The following SLC24A2 variants were observed in gnomAD, a reference collection of about 807,000 sequenced individuals.
The protein encoded by SLC24A2 is sodium/potassium/calcium exchanger 2.
Under a neutral mutation model 62.0 loss-of-function variants are expected in SLC24A2, and 36 were observed. The ratio of observed to expected loss-of-function variants is 0.58; its 90% CI spans 0.44 to 0.77. The LOEUF is 0.77. Ranked by LOEUF, SLC24A2 falls within the 30% of genes least tolerant of loss-of-function variation. The pLI, the probability that SLC24A2 is intolerant of heterozygous loss-of-function variation, is 0.00. For missense variants in SLC24A2, 846 were observed against 817.9 expected, an observed-to-expected ratio of 1.03 and a Z score of -0.42; for synonymous variants, 358 against 294.0, an observed-to-expected ratio of 1.22 and a Z score of -2.23.
At chr9:20,148,797 T>C in the SLC24A2 span, among the ~76,000 whole-genome samples, 1 of 152,084 alleles carries the variant, frequency 6.6e-6, no homozygotes, top group Non-Finnish European at 1.5e-5. Context: ...AGGAATATTT[T>C]GACAGTGGAT....
At chr9:19,817,083 G>A in the SLC24A2 span, among the ~76,000 whole-genome samples, 26 of 152,206 alleles carry the variant, frequency 1.7e-4, no homozygotes, top group African/African-American at 6.0e-4. Flanking sequence ...CACATCTGGT[G>A]TACAGAATTT....
At chr9:19,651,431 A>C (rs998002192) in intron 2 of SLC24A2, among the ~76,000 whole-genome samples, 5 of 152,234 alleles carry the variant, frequency 3.3e-5, no homozygotes, top group African/African-American at 1.2e-4. Context: ...ATTGAGACTC[A>C]GGCAGTCTAA....
the SLC24A2 span, among the ~76,000 whole-genome samples, chr9:19,946,617 A>G: frequency 2.6e-5 from 4 of 152,222 alleles, no homozygotes; most frequent in Non-Finnish European, 5.9e-5. Context: ...CTCCTGAGTT[A>G]ATGAGACAAC....
the SLC24A2 span, among the ~76,000 whole-genome samples, chr9:20,073,286 C>T: frequency 6.6e-6 from 1 of 152,106 alleles, no homozygotes; most frequent in Admixed American, 6.6e-5. Context: ...GGGAGAGGGT[C>T]TCTGGCTTCT....
At chr9:19,963,603 A>C in the SLC24A2 span, among the ~76,000 whole-genome samples, 1 of 152,382 alleles carries the variant, frequency 6.6e-6, no homozygotes, top group South Asian at 2.1e-4. Flanking sequence ...ATGCAGCCAA[A>C]AAACACATGA....
chr9:19,979,749 AT>A, the SLC24A2 span, among the ~76,000 whole-genome samples: 1 of 152,158 alleles, frequency 6.6e-6, no homozygotes, highest in African/African-American at 2.4e-5. Context: ...ATTGCCTGAA[AT>A]TCTTAAAATT....
chr9:19,911,150 G>A, the SLC24A2 span, among the ~76,000 whole-genome samples: 1 of 142,390 alleles, frequency 7.0e-6, no homozygotes, highest in African/African-American at 2.6e-5. Context: ...TCCCACCTAT[G>A]AGTGAGAACA....
At position 19,509,344 on chromosome 9, in the gene SLC24A2, T is replaced by A. The variant is rs1193254735; in HGVS notation, c.*6809A>T. The A allele has an allele frequency of 6.6e-6, 1 of 152,276 alleles. No individual in the cohort carries two copies. The highest frequency in any genetic ancestry group is 2.1e-4 in the South Asian group (1 of 4,816). The allele number at this position is 152,276 out of a possible 1,614,324, so 9.4% of individuals were successfully genotyped here. A position where few individuals can be genotyped will look rare whatever the true frequency, so the allele number is the denominator to read the frequency against. ...AAAGCACACATCTAAAATGTATAAGTAGATTAGGATTGCCTAGAACAATAA... is the reference window on the plus strand; with the variant it reads ...AAAGCACACATCTAAAATGTATAAGAAGATTAGGATTGCCTAGAACAATAA... On this transcript the variant is annotated 3_prime_UTR_variant, in exon 11 of 11. Transcript: ENST00000341998.
the SLC24A2 span, among the ~76,000 whole-genome samples, chr9:20,200,927 A>G: frequency 6.6e-6 from 1 of 152,218 alleles, no homozygotes; most frequent in Non-Finnish European, 1.5e-5. Flanking sequence ...TCTGTAGCTC[A>G]TTATATTTGA....
chr9:19,602,488 T>C (rs1836867996), intron 4 of SLC24A2, among the ~76,000 whole-genome samples: 1 of 152,238 alleles, frequency 6.6e-6, no homozygotes, highest in Admixed American at 6.5e-5. Flanking sequence ...ATGTCATTTA[T>C]ATTCTTTTGT....
the SLC24A2 span, among the ~76,000 whole-genome samples, chr9:19,905,101 A>G: frequency 1.3e-5 from 2 of 151,958 alleles, no homozygotes; most frequent in Non-Finnish European, 2.9e-5. Flanking sequence ...AAGTACCAGG[A>G]CTCTTGGGAC....
At chr9:19,703,208 T>G (rs1054120350) in intron 2 of SLC24A2, among the ~76,000 whole-genome samples, 1 of 152,216 alleles carries the variant, frequency 6.6e-6, no homozygotes, top group Non-Finnish European at 1.5e-5. Flanking sequence ...CATGATGGAT[T>G]AGAATCTTAG....
At chr9:19,969,999 T>A in the SLC24A2 span, among the ~76,000 whole-genome samples, 1 of 152,118 alleles carries the variant, frequency 6.6e-6, no homozygotes, top group African/African-American at 2.4e-5. Context: ...CTTTACATAT[T>A]TCTGTGGCCT....
At chr9:20,066,799 A>C in the SLC24A2 span, among the ~76,000 whole-genome samples, 1 of 152,214 alleles carries the variant, frequency 6.6e-6, no homozygotes, top group Non-Finnish European at 1.5e-5. Flanking sequence ...TGACTTAAGC[A>C]CTGTTTCTGA....
rs1396451682 is a variant in SLC24A2, at chr9:19,548,093, G to C, written c.1479+2044C>G. ...GAGTCCATACAAGGAGTCCTTTCTT[G>C]TTGTCTACTTGACAAGACATGGCTC... On this transcript the variant is annotated intron_variant, in intron 8 of 10. Coordinates refer to ENST00000341998, the MANE Select transcript of SLC24A2 (RefSeq NM_020344.4). Among the ~76,000 whole-genome samples the C allele has an allele frequency of 3.3e-5, 5 of 151,576 alleles. No individual in the cohort carries two copies. The South Asian group carries it at 8.3e-4, about 25-fold the overall frequency.
the SLC24A2 span, among the ~76,000 whole-genome samples, chr9:20,120,387 G>A: frequency 6.6e-6 from 1 of 152,116 alleles, no homozygotes; most frequent in African/African-American, 2.4e-5. Flanking sequence ...GAAAAAGAAT[G>A]AGCTCATGTC....
At chr9:19,912,162 T>G in the SLC24A2 span, among the ~76,000 whole-genome samples, 2 of 152,006 alleles carry the variant, frequency 1.3e-5, no homozygotes, top group Non-Finnish European at 2.9e-5. Context: ...AGGCAAACTC[T>G]TCTGCTGAGA....
At chr9:19,848,351 GCT>G in the SLC24A2 span, among the ~76,000 whole-genome samples, 1 of 152,028 alleles carries the variant, frequency 6.6e-6, no homozygotes, top group African/African-American at 2.4e-5. Flanking sequence ...TCAAAGTTTG[GCT>G]CTGTTATCTC....
At chr9:19,666,732 A>G (rs907312048) in intron 2 of SLC24A2, among the ~76,000 whole-genome samples, 1 of 152,192 alleles carries the variant, frequency 6.6e-6, no homozygotes, top group Non-Finnish European at 1.5e-5. Context: ...CTAAAGGGCT[A>G]CTAAAACCAT....
Sources: allele counts gnomAD v4.1 joint callset (sites outside exome capture counted in the v4.1 genomes callset), GRCh38; gene constraint gnomAD v4.1.1; transcripts MANE v1.5; gene names NCBI Gene and HGNC (gene_info 2026-07-23, HGNC 2026-07-21).